Variants in CNTN1 observed in about 807,000 individuals in gnomAD.
The protein encoded by CNTN1 is contactin-1.
A neutral mutation model predicts 126.4 loss-of-function variants in CNTN1; 38 were observed. The observed-to-expected ratio is 0.30, with a 90% confidence interval of 0.23 to 0.39. CNTN1 has a LOEUF of 0.39. Ranked by LOEUF, CNTN1 falls within the 10% of genes least tolerant of loss-of-function variation. The pLI is 1.00. For missense variants in CNTN1, 1,009 were observed against 1,248.4 expected, an observed-to-expected ratio of 0.81 and a Z score of 2.89; for synonymous variants, 413 against 422.6, an observed-to-expected ratio of 0.98 and a Z score of 0.28.
intron 1 of CNTN1, among the ~76,000 whole-genome samples, chr12:40,898,486 A>G (rs1341588418): frequency 1.3e-5 from 2 of 152,160 alleles, no homozygotes; most frequent in Non-Finnish European, 2.9e-5. Context: ...AGATTAACTT[A>G]TATATGTTTC....
chr12:41,051,766 A>T (rs1949688704), intron 23 of CNTN1, among the ~76,000 whole-genome samples: 1 of 152,086 alleles, frequency 6.6e-6, no homozygotes, highest in Non-Finnish European at 1.5e-5. Context: ...ACATTAAATT[A>T]GTCTTGAAAT....
intron 1 of CNTN1, among the ~76,000 whole-genome samples, chr12:40,709,286 TTCTGAGCAGTCGG>T (rs1941849589): frequency 6.6e-6 from 1 of 152,226 alleles, no homozygotes; most frequent in African/African-American, 2.4e-5. Flanking sequence ...ATTGTTTTTT[TTCTGAGCAGTCGG>T]TCTCAACAGT....
intron 1 of CNTN1, among the ~76,000 whole-genome samples, chr12:40,731,941 T>C (rs762745605): frequency 1.3e-5 from 2 of 152,086 alleles, no homozygotes; most frequent in Non-Finnish European, 2.9e-5. Flanking sequence ...TGTATTACTT[T>C]ATAATATTTC....
intron 1 of CNTN1, among the ~76,000 whole-genome samples, chr12:40,882,579 G>A (rs1311030031): frequency 6.6e-6 from 1 of 151,600 alleles, no homozygotes; most frequent in Non-Finnish European, 1.5e-5. Flanking sequence ...TAAGACAATA[G>A]GAACTAGTAC....
chr12:40,707,227 C>CTTT (rs370984371), intron 1 of CNTN1, among the ~76,000 whole-genome samples: 43 of 109,160 alleles, frequency 3.9e-4, no homozygotes, highest in African/African-American at 1.0e-3. Context: ...TTTTCTTTTT[C>CTTT]TTTTTTTTTT....
chr12:40,849,600 A>C lies in CNTN1; in HGVS notation c.-76-58757A>C, dbSNP rs1191644563. On this transcript the variant is annotated intron_variant, in intron 1 of 23. Transcript: ENST00000551295. ...GCTAGCCATTATATTAGGGTCTCTA[A>C]TTTATTCTCAAACTATCTGAAGAAT... is the stretch of plus-strand genomic sequence containing the variant. Among the ~76,000 whole-genome samples the C allele has an allele frequency of 3.9e-5, 6 of 152,082 alleles. No homozygotes were observed. The East Asian group carries it at 1.2e-3, about 29-fold the overall frequency.
At chr12:40,994,082 ATAATT>A in intron 17 of CNTN1, among the ~76,000 whole-genome samples, 1 of 152,150 alleles carries the variant, frequency 6.6e-6, no homozygotes, top group Non-Finnish European at 1.5e-5. Flanking sequence ...AGATTAAAAA[ATAATT>A]TAAGACAGAT....
chr12:41,045,426 T>C (rs1489473333), intron 23 of CNTN1, among the ~76,000 whole-genome samples: 1 of 152,152 alleles, frequency 6.6e-6, no homozygotes, highest in Admixed American at 6.6e-5. Flanking sequence ...TTGACACTTA[T>C]TCACTATAAC....
At chr12:40,946,043 C>T (rs1946424388) in intron 14 of CNTN1, among the ~76,000 whole-genome samples, 3 of 152,236 alleles carry the variant, frequency 2.0e-5, no homozygotes, top group Admixed American at 2.0e-4. Flanking sequence ...CATAGATGGA[C>T]AGATGCATTC....
chr12:40,829,851 T>C (rs181444025), intron 1 of CNTN1, among the ~76,000 whole-genome samples: 1 of 152,160 alleles, frequency 6.6e-6, no homozygotes, highest in African/African-American at 2.4e-5. Context: ...GCTAATAAAA[T>C]GGAATCTAGA....
intron 16 of CNTN1, among the ~76,000 whole-genome samples, chr12:40,985,048 A>G (rs1947923036): frequency 6.6e-6 from 1 of 152,040 alleles, no homozygotes; most frequent in South Asian, 2.1e-4. Context: ...AACTTGAAGA[A>G]CTTTAATTTT....
intron 1 of CNTN1, among the ~76,000 whole-genome samples, chr12:40,706,832 C>T (rs930289210): frequency 2.0e-5 from 3 of 152,064 alleles, no homozygotes; most frequent in Non-Finnish European, 4.4e-5. Flanking sequence ...ATAAGAATTA[C>T]CTGAGATTGT....
chr12:41,009,265 T>A (rs1376680704), intron 17 of CNTN1, among the ~76,000 whole-genome samples: 2 of 152,180 alleles, frequency 1.3e-5, no homozygotes, highest in African/African-American at 4.8e-5. Context: ...TAGTAGGGCT[T>A]GATATTTAAG....
At chr12:40,770,897 C>G (rs7300374) in intron 1 of CNTN1, among the ~76,000 whole-genome samples, 3,898 of 152,044 alleles carry the variant, frequency 0.026, 74 homozygotes, top group Non-Finnish European at 0.041. Context: ...TTACTAGTGA[C>G]AATGAAATAA....
chr12:40,939,679 A>C (rs1946198407), intron 12 of CNTN1, among the ~76,000 whole-genome samples, 194 bp downstream of exon 12: 1 of 152,178 alleles, frequency 6.6e-6, no homozygotes, highest in Non-Finnish European at 1.5e-5. Flanking sequence ...TTTAATTAAC[A>C]GGACTCTATA....
chr12:40,801,179 T>C (rs1463753129), intron 1 of CNTN1, among the ~76,000 whole-genome samples: 2 of 152,002 alleles, frequency 1.3e-5, no homozygotes, highest in African/African-American at 4.8e-5. Flanking sequence ...ATCTCAGTTC[T>C]AGATGGTCAA....
intron 1 of CNTN1, among the ~76,000 whole-genome samples, chr12:40,773,696 C>CGTAT (rs1939458942): frequency 1.0e-4 from 2 of 19,914 alleles, no homozygotes; most frequent in African/African-American, 1.7e-4. Context: ...TATATATACA[C>CGTAT]ATATATATAT....
chr12:40,738,776 A>C (rs1937807909), intron 1 of CNTN1, among the ~76,000 whole-genome samples: 1 of 152,068 alleles, frequency 6.6e-6, no homozygotes, highest in Non-Finnish European at 1.5e-5. Context: ...AAAACTACAG[A>C]GATTTAATGT....
intron 1 of CNTN1, among the ~76,000 whole-genome samples, chr12:40,868,564 C>T (rs1289139690): frequency 2.0e-5 from 3 of 152,212 alleles, no homozygotes; most frequent in South Asian, 2.1e-4. Flanking sequence ...TTCACTTCCA[C>T]GGACCTAACT....
Sources: allele counts gnomAD v4.1 joint callset (sites outside exome capture counted in the v4.1 genomes callset), GRCh38; gene constraint gnomAD v4.1.1; transcripts MANE v1.5; gene names NCBI Gene and HGNC (gene_info 2026-07-23, HGNC 2026-07-21).